ADAMTSL1: variants seen among roughly 807,000 people sequenced by gnomAD.
The protein encoded by ADAMTSL1 is ADAMTS like 1.
Under a neutral mutation model 201.8 loss-of-function variants are expected in ADAMTSL1, and 126 were observed. The ratio of observed to expected loss-of-function variants is 0.62; its 90% CI spans 0.54 to 0.72. The LOEUF (loss-of-function observed/expected upper bound fraction) is 0.72, where lower values mean the gene tolerates loss of function less well. Ranked by LOEUF, ADAMTSL1 falls within the 30% of genes least tolerant of loss-of-function variation. ADAMTSL1 has a pLI of 0.00. For synonymous variants in ADAMTSL1, 1,121 were observed against 903.4 expected, an observed-to-expected ratio of 1.24 and a Z score of -4.32; for missense variants, 2,679 against 2,277.8, an observed-to-expected ratio of 1.18 and a Z score of -3.59.
chr9:18,899,622 CAG>C (rs1349128014), intron 26 of ADAMTSL1, among the ~76,000 whole-genome samples: 4 of 152,076 alleles, frequency 2.6e-5, no homozygotes, highest in Non-Finnish European at 4.4e-5. Flanking sequence ...ATAGAGAACT[CAG>C]AAATAAGATC....
intron 1 of ADAMTSL1, among the ~76,000 whole-genome samples, chr9:18,075,445 C>T (rs1380375859): frequency 6.6e-6 from 1 of 151,590 alleles, no homozygotes; most frequent in Non-Finnish European, 1.5e-5. Flanking sequence ...CCCTATCCCA[C>T]CCTTCTGAAG....
chr9:18,511,344 G>A (rs1288785444), intron 2 of ADAMTSL1, among the ~76,000 whole-genome samples: 2 of 151,582 alleles, frequency 1.3e-5, no homozygotes, highest in African/African-American at 4.8e-5. Context: ...TCAGCAATGG[G>A]CTTGGCTGTT....
At chr9:18,749,991 G>A (rs1047224850) in intron 15 of ADAMTSL1, among the ~76,000 whole-genome samples, 19 of 152,298 alleles carry the variant, frequency 1.2e-4, no homozygotes, top group Admixed American at 3.9e-4. Flanking sequence ...AGGATGTAAA[G>A]CCTCTACTTT....
At chr9:18,567,360 G>A (rs1374264160) in intron 3 of ADAMTSL1, among the ~76,000 whole-genome samples, 2 of 152,152 alleles carry the variant, frequency 1.3e-5, no homozygotes, top group East Asian at 3.9e-4. Flanking sequence ...CAGTTATTTA[G>A]GAGGCTGAGG....
chr9:18,256,338 A>G (rs1241864719), intron 2 of ADAMTSL1, among the ~76,000 whole-genome samples: 1 of 152,204 alleles, frequency 6.6e-6, no homozygotes, highest in Non-Finnish European at 1.5e-5. Flanking sequence ...GTTGGTTGCA[A>G]TAAGAAAGGG....
At chr9:18,530,827 G>C (rs1435291821) in intron 2 of ADAMTSL1, among the ~76,000 whole-genome samples, 4 of 152,100 alleles carry the variant, frequency 2.6e-5, no homozygotes, top group Admixed American at 6.6e-5. Context: ...GAGATATAGA[G>C]CCAAGATTCT....
intron 19 of ADAMTSL1, among the ~76,000 whole-genome samples, chr9:18,784,203 C>A (rs996212339): frequency 2.2e-4 from 33 of 152,186 alleles, no homozygotes; most frequent in African/African-American, 7.7e-4. Flanking sequence ...GTCAGATGAC[C>A]CCCTCCATCA....
At chr9:18,769,340 A>G (rs894990735) in intron 16 of ADAMTSL1, among the ~76,000 whole-genome samples, 1 of 152,240 alleles carries the variant, frequency 6.6e-6, no homozygotes, top group African/African-American at 2.4e-5. Flanking sequence ...GCAAGCCCAA[A>G]GGCAGCAAGC....
chr9:18,114,384 T>A (rs1239479171), intron 1 of ADAMTSL1, among the ~76,000 whole-genome samples: 1 of 152,116 alleles, frequency 6.6e-6, no homozygotes, highest in Non-Finnish European at 1.5e-5. Flanking sequence ...GTGCTGCATA[T>A]ACCATGTGAG....
chr9:18,729,357 G>C (rs1370214794), intron 15 of ADAMTSL1, among the ~76,000 whole-genome samples: 2 of 152,132 alleles, frequency 1.3e-5, no homozygotes, highest in Admixed American at 1.3e-4. Context: ...AAGTTCCAAA[G>C]ACAAAGCACC....
At chr9:18,417,554 A>G (rs1818742008) in intron 2 of ADAMTSL1, among the ~76,000 whole-genome samples, 1 of 152,104 alleles carries the variant, frequency 6.6e-6, no homozygotes. Context: ...AGAATGATAC[A>G]GAGGCTATTA....
chr9:18,659,484 G>A (rs778205333), intron 8 of ADAMTSL1, among the ~76,000 whole-genome samples: 12 of 152,224 alleles, frequency 7.9e-5, no homozygotes, highest in Non-Finnish European at 1.8e-4. Flanking sequence ...CATTTAGCTG[G>A]CCAGGTGCAG....
rs762745582 is a variant in ADAMTSL1 at position 18,681,939 on chromosome 9, C to G, written c.1469C>G (p.Thr490Ser). ...ATAAAAGAGGAATGCATCGTACCCA[C>G]TCCCTGCTATAAACCCAAAGGTAAC... The part of the protein sequence containing the change: ...PHIKEECIVP[T>S]PCYKPKEKLP... The change falls in exon 12 of 29, where the codon ACT becomes AGT. Residue 490 changes from threonine (T) to serine (S), a missense_variant. Thr to Ser is a moderately conservative substitution (Grantham distance 58). Transcript: ENST00000380548. 6.2e-7 allele frequency: 1 copy of G among 1,614,170 alleles called. No individual in the cohort carries two copies. Among genetic ancestry groups the G allele is most frequent in the East Asian group, 2.2e-5 (1 of 44,888 alleles).
intron 4 of ADAMTSL1, among the ~76,000 whole-genome samples, chr9:18,576,360 A>G (rs1011192500): frequency 1.3e-5 from 2 of 152,210 alleles, no homozygotes; most frequent in African/African-American, 4.8e-5. Context: ...GGAGAGAAAC[A>G]TGGAGGCTTG....
chr9:18,029,435 A>G (rs1225526805), intron 1 of ADAMTSL1, among the ~76,000 whole-genome samples: 4 of 152,240 alleles, frequency 2.6e-5, no homozygotes, highest in South Asian at 2.1e-4. Flanking sequence ...ACCTAAAACC[A>G]TAAAAACCCT....
chr9:18,903,403 A>G (rs548963757), intron 26 of ADAMTSL1, among the ~76,000 whole-genome samples: 1 of 152,350 alleles, frequency 6.6e-6, no homozygotes, highest in African/African-American at 2.4e-5. Flanking sequence ...AAACAGGCAT[A>G]AACTAAACTG....
At chr9:18,411,717 G>A (rs899107812) in intron 2 of ADAMTSL1, among the ~76,000 whole-genome samples, 2 of 151,784 alleles carry the variant, frequency 1.3e-5, no homozygotes, top group Non-Finnish European at 2.9e-5. Context: ...CATTTTTTTA[G>A]TGTATTTAAA....
chr9:18,241,106 T>C (rs1165065320), intron 2 of ADAMTSL1, among the ~76,000 whole-genome samples: 2 of 152,194 alleles, frequency 1.3e-5, no homozygotes, highest in East Asian at 1.9e-4. Context: ...TTTAATTTCC[T>C]TCAAGAACTT....
At chr9:18,139,879 C>T (rs1826324092) in intron 1 of ADAMTSL1, among the ~76,000 whole-genome samples, 3 of 152,066 alleles carry the variant, frequency 2.0e-5, no homozygotes, top group African/African-American at 7.2e-5. Flanking sequence ...CTTATGATTT[C>T]AGCCAGTCAC....
Sources: gnomAD v4.1 joint callset for allele counts (sites outside exome capture counted in the v4.1 genomes callset) on GRCh38, gnomAD v4.1.1 for gene constraint, MANE v1.5 for transcripts, NCBI Gene and HGNC (gene_info 2026-07-23, HGNC 2026-07-21) for gene names.